The following EXOSC7 variants were observed in gnomAD, a reference collection of about 807,000 sequenced individuals.
EXOSC7 encodes exosome complex component RRP42.
EXOSC7 carries 25 observed loss-of-function variants against 34.3 expected under a neutral mutation model. That is an observed-to-expected ratio of 0.73 (90% CI 0.53 to 1.02). The LOEUF (loss-of-function observed/expected upper bound fraction) is 1.02. EXOSC7 is among the 50% of genes least tolerant of loss of function. EXOSC7 has a pLI of 0.00. For missense variants in EXOSC7, 370 were observed against 368.5 expected (o/e 1.00, Z -0.03); for synonymous variants, 130 against 143.0 (o/e 0.91, Z 0.65).
At chr3:44,983,185 G>T (rs1402415441) in intron 1 of EXOSC7, among the ~76,000 whole-genome samples, 1 of 152,182 alleles carries the variant, frequency 6.6e-6, no homozygotes, top group Non-Finnish European at 1.5e-5. Flanking sequence ...AAGTAGGTCT[G>T]TGCTTAAATG....
Position 44,976,273 on chromosome 3 carries a change from G to A in EXOSC7, c.-5G>A, listed in dbSNP as rs1259549301. The A allele has an allele frequency of 6.4e-7, 1 of 1,558,342 alleles. No individual in the cohort carries two copies. Among genetic ancestry groups the A allele is most frequent in the Non-Finnish European group, 8.6e-7 (1 of 1,158,678 alleles). On this transcript the variant is annotated 5_prime_UTR_variant, in exon 1 of 8. Transcript: ENST00000265564. ...GACGTGCGGCTCGTGGGGCAGCTCG[G>A]CAGCATGGCGTCCGTGACGCTGAGC...
intron 7 of EXOSC7, among the ~76,000 whole-genome samples, chr3:45,010,832 CAG>C (rs1707186308): frequency 1.3e-5 from 2 of 152,184 alleles, no homozygotes; most frequent in Non-Finnish European, 2.9e-5. Context: ...CTTCTCCAGA[CAG>C]ACTCTGGATT....
rs1247823160 is a variant in EXOSC7 at position 44,976,258 on chromosome 3, T to G, written c.-20T>G. 1 of 1,542,516 alleles carries G rather than the reference T, an allele frequency of 6.5e-7. No individual in the cohort carries two copies. The highest frequency in any genetic ancestry group is 1.4e-5 in the African/African-American group (1 of 69,812). ...GGGACGCGCGCAGATGACGTGCGGCTCGTGGGGCAGCTCGGCAGCATGGCG... is the reference window on the plus strand; with the variant it reads ...GGGACGCGCGCAGATGACGTGCGGCGCGTGGGGCAGCTCGGCAGCATGGCG... On this transcript the variant is annotated 5_prime_UTR_variant, in exon 1 of 8. Coordinates refer to ENST00000265564, the MANE Select transcript of EXOSC7 (RefSeq NM_015004.4).
At chr3:44,996,607 T>A (rs758763891) in intron 3 of EXOSC7, among the ~76,000 whole-genome samples, 1 of 152,194 alleles carries the variant, frequency 6.6e-6, no homozygotes, top group African/African-American at 2.4e-5. Flanking sequence ...GTACTTACAT[T>A]GTGGTTTTTA....
At chr3:44,987,895 T>C (rs1373129735) in intron 1 of EXOSC7, among the ~76,000 whole-genome samples, 3 of 152,242 alleles carry the variant, frequency 2.0e-5, no homozygotes, top group African/African-American at 7.2e-5. Context: ...CATGTGATGT[T>C]AGATTGGAAT....
At chr3:45,003,829 TATC>T (rs1450872792) in intron 5 of EXOSC7, among the ~76,000 whole-genome samples, 1 of 152,234 alleles carries the variant, frequency 6.6e-6, no homozygotes. Flanking sequence ...ATATAAATGG[TATC>T]ATATACTATG....
chr3:44,986,095 C>T (rs896433166), intron 1 of EXOSC7, among the ~76,000 whole-genome samples: 13 of 152,252 alleles, frequency 8.5e-5, no homozygotes, highest in African/African-American at 3.1e-4. Context: ...GAGCTGCCTG[C>T]CAGTCCCCTG....
At chr3:44,984,336 C>T (rs1028780801) in intron 1 of EXOSC7, among the ~76,000 whole-genome samples, 8 of 152,134 alleles carry the variant, frequency 5.3e-5, no homozygotes, top group African/African-American at 1.7e-4. Context: ...ATTAGCTGGG[C>T]ATGTTGACAT....
At chr3:45,005,623 G>C (rs2125972875) in intron 6 of EXOSC7, among the ~76,000 whole-genome samples, 1 of 152,282 alleles carries the variant, frequency 6.6e-6, no homozygotes, top group South Asian at 2.1e-4. Flanking sequence ...GATATGATGT[G>C]GTCCTGGGAG....
intron 4 of EXOSC7, among the ~76,000 whole-genome samples, chr3:45,000,526 A>G (rs1175326319): frequency 6.6e-6 from 1 of 152,250 alleles, no homozygotes; most frequent in Non-Finnish European, 1.5e-5. Flanking sequence ...GCCACCTTCC[A>G]GTTAAATGTG....
intron 3 of EXOSC7, among the ~76,000 whole-genome samples, chr3:44,994,682 T>C (rs1706667312): frequency 6.6e-6 from 1 of 152,134 alleles, no homozygotes; most frequent in Non-Finnish European, 1.5e-5. Flanking sequence ...TTTCTTATGT[T>C]GCTTAAAGCA....
intron 7 of EXOSC7, among the ~76,000 whole-genome samples, chr3:45,008,806 A>G (rs1184757973): frequency 6.6e-6 from 1 of 152,172 alleles, no homozygotes; most frequent in Admixed American, 6.5e-5. Context: ...TTTAGAAGGT[A>G]CTCTTCCCCC....
At chr3:44,986,747 T>G (rs549215046) in intron 1 of EXOSC7, among the ~76,000 whole-genome samples, 61 of 152,296 alleles carry the variant, frequency 4.0e-4, no homozygotes, top group African/African-American at 1.4e-3. Flanking sequence ...TTTCTGTCAT[T>G]GAAAAGTTAA....
At chr3:45,010,711 A>G (rs1707182887) in intron 7 of EXOSC7, among the ~76,000 whole-genome samples, 2 of 152,168 alleles carry the variant, frequency 1.3e-5, no homozygotes, top group African/African-American at 4.8e-5. Context: ...GTAAACACCA[A>G]AGATCCCATC....
chr3:45,007,305 G>A, intron 6 of EXOSC7, 115 bp from the exon 7 acceptor site: 1 of 1,063,734 alleles, frequency 9.4e-7, no homozygotes. Flanking sequence ...ATAAGACCTG[G>A]AATGACCAGT....
intron 4 of EXOSC7, among the ~76,000 whole-genome samples, chr3:44,998,601 G>C (rs967871444): frequency 6.6e-6 from 1 of 152,190 alleles, no homozygotes; most frequent in African/African-American, 2.4e-5. Context: ...CTGCATGTTG[G>C]CTCTATTGAG....
chr3:44,984,315 A>G (rs1266216770), intron 1 of EXOSC7, among the ~76,000 whole-genome samples: 1 of 152,172 alleles, frequency 6.6e-6, no homozygotes, highest in East Asian at 1.9e-4. Flanking sequence ...TACAAAAAGT[A>G]AAAAATAAAA....
chr3:45,000,842 A>G (rs1205627798), intron 4 of EXOSC7, among the ~76,000 whole-genome samples: 1 of 152,150 alleles, frequency 6.6e-6, no homozygotes, highest in East Asian at 1.9e-4. Flanking sequence ...GGCAAAATAA[A>G]GGTGATCAGT....
rs2125975751 is a variant in EXOSC7, at chr3:45,011,372, T to C, written c.*33T>C. The C allele has an allele frequency of 7.2e-7, 1 of 1,387,238 alleles. No homozygotes were observed. Among genetic ancestry groups the C allele is most frequent in the Non-Finnish European group, 1.0e-6 (1 of 988,500 alleles). The allele number at this position is 1,387,238 out of a possible 1,614,324, so 85.9% of individuals were successfully genotyped here. On this transcript the variant is annotated 3_prime_UTR_variant, in exon 8 of 8. Transcript: ENST00000265564. ...ATCAACTGCTCAACTGTGGATTGTT[T>C]TTTACTTTTCCTTTTAAACCGGTTC...
Sources: gnomAD v4.1 joint callset for allele counts (sites outside exome capture counted in the v4.1 genomes callset) on GRCh38, gnomAD v4.1.1 for gene constraint, MANE v1.5 for transcripts, NCBI Gene and HGNC (gene_info 2026-07-23, HGNC 2026-07-21) for gene names.